SLIT1: variants seen among roughly 807,000 people sequenced by gnomAD.
SLIT1 encodes the protein slit homolog 1 protein.
Under a neutral mutation model 186.1 loss-of-function variants are expected in SLIT1, and 66 were observed. The observed-to-expected ratio is 0.35, with a 90% CI of 0.29 to 0.44. The LOEUF is 0.44. Among genes scored for constraint, SLIT1 ranks in the 20% least tolerant of loss-of-function variants. SLIT1 has a pLI of 1.00. For synonymous variants in SLIT1, 761 were observed against 833.8 expected (o/e 0.91, Z 1.50); for missense variants, 1,638 against 2,037.4 (o/e 0.80, Z 3.77).
chr10:97,060,685 C>A lies in SLIT1; in HGVS notation c.896G>T (p.Gly299Val). 1 of 1,613,618 alleles carries A rather than the reference C, an allele frequency of 6.2e-7. No homozygotes were observed. The highest frequency in any genetic ancestry group is 8.5e-7 in the Non-Finnish European group (1 of 1,180,042). Reference sequence around the variant, plus strand: ...CAGGTTGGCCGGGATGGCAGTGAGGCCTTTTCCACGACAGTCCACGATGCC... The same window carrying A: ...CAGGTTGGCCGGGATGGCAGTGAGGACTTTTCCACGACAGTCCACGATGCC... ...SNGIVDCRGK[G>V]LTAIPANLPE... The change falls in exon 9 of 37, where the codon GGC (glycine) becomes GTC (valine). Residue 299 changes from glycine to valine, a missense_variant. This residue lies in a region of SLIT1 where 1,245 missense variants were observed against 1,535.3 expected (regional missense o/e 0.81). Coordinates refer to ENST00000266058, the MANE Select transcript of SLIT1 (RefSeq NM_003061.3).
chr10:97,078,894 A>C (rs553777895), intron 4 of SLIT1, among the ~76,000 whole-genome samples: 6 of 152,342 alleles, frequency 3.9e-5, no homozygotes, highest in African/African-American at 1.4e-4. Flanking sequence ...TATGAGAGGC[A>C]AGGCTCCTGT....
In SLIT1 at chr10:96,999,891, C is replaced by T. The variant is rs1265375751; in HGVS notation, c.*1221G>A. Reference sequence around the variant, plus strand: ...CCAGAACGTCCACAATCCCCAGCCCCGGGTTAGGCACATAAATACTTTTGA... The same window carrying T: ...CCAGAACGTCCACAATCCCCAGCCCTGGGTTAGGCACATAAATACTTTTGA... On this transcript the variant is annotated 3_prime_UTR_variant, in exon 37 of 37. Coordinates refer to ENST00000266058, the MANE Select transcript of SLIT1 (RefSeq NM_003061.3). 5.9e-5 allele frequency: 9 copies of T among 152,218 alleles called. No homozygotes were observed. The highest frequency in any genetic ancestry group is 4.1e-4 in the South Asian group (2 of 4,826). The allele number at this position is 152,218 out of a possible 1,614,324, so 9.4% of individuals were successfully genotyped here. A position where few individuals can be genotyped will look rare whatever the true frequency, so the allele number is the denominator to read the frequency against.
At chr10:97,064,065 G>T in intron 7 of SLIT1, 103 bp downstream of exon 7, 1 of 944,694 alleles carries the variant, frequency 1.1e-6, no homozygotes, top group Non-Finnish European at 1.7e-6. Context: ...GAGGGAGAAT[G>T]AGCTCCATGA....
At chr10:97,096,203 A>G (rs935033571) in intron 4 of SLIT1, among the ~76,000 whole-genome samples, 1 of 152,168 alleles carries the variant, frequency 6.6e-6, no homozygotes, top group Non-Finnish European at 1.5e-5. Context: ...GACCCAGACC[A>G]CTGCCTTCTG....
intron 4 of SLIT1, among the ~76,000 whole-genome samples, chr10:97,156,575 T>A (rs1849954901): frequency 6.6e-6 from 1 of 152,154 alleles, no homozygotes; most frequent in Non-Finnish European, 1.5e-5. Flanking sequence ...ACATCTCGTC[T>A]CAAAAATAAG....
chr10:97,091,235 C>T (rs1434335115), intron 4 of SLIT1, among the ~76,000 whole-genome samples: 1 of 152,228 alleles, frequency 6.6e-6, no homozygotes. Flanking sequence ...TGTGCTCAGA[C>T]ACGCTCCATG....
intron 4 of SLIT1, among the ~76,000 whole-genome samples, chr10:97,076,048 G>A (rs1361568733): frequency 6.6e-6 from 1 of 152,108 alleles, no homozygotes; most frequent in Non-Finnish European, 1.5e-5. Context: ...GCCTTCCTGA[G>A]GAACAGAAAA....
At chr10:97,011,164 C>G in intron 30 of SLIT1, 34 bp from the exon 31 acceptor site, 1 of 1,558,852 alleles carries the variant, frequency 6.4e-7, no homozygotes, top group Non-Finnish European at 8.8e-7. Flanking sequence ...GTTGGGGGGT[C>G]AGCCACACAG....
chr10:97,049,850 T>C (rs567545576), intron 13 of SLIT1, among the ~76,000 whole-genome samples: 81 of 152,356 alleles, frequency 5.3e-4, no homozygotes, highest in Non-Finnish European at 9.4e-4. Context: ...GTCAGCAGGA[T>C]AAATACGGGG....
chr10:97,067,668 T>A (rs1848960858), intron 4 of SLIT1, among the ~76,000 whole-genome samples: 1 of 152,074 alleles, frequency 6.6e-6, no homozygotes, highest in Non-Finnish European at 1.5e-5. Flanking sequence ...GGAGCTGAGC[T>A]CTGAGATGTG....
At chr10:97,077,164 G>C (rs1414021228) in intron 4 of SLIT1, among the ~76,000 whole-genome samples, 2 of 152,262 alleles carry the variant, frequency 1.3e-5, no homozygotes, top group Non-Finnish European at 2.9e-5. Context: ...GCTACTCGGA[G>C]GCTAAGGCAG....
At chr10:97,055,204 G>A (rs1467129425) in intron 13 of SLIT1, among the ~76,000 whole-genome samples, 4 of 152,010 alleles carry the variant, frequency 2.6e-5, no homozygotes, top group Middle Eastern at 3.2e-3. Context: ...GTGACAGAGC[G>A]ACACTCCAGC....
chr10:97,020,528 C>G (rs1330217536), intron 26 of SLIT1, among the ~76,000 whole-genome samples: 2 of 152,272 alleles, frequency 1.3e-5, no homozygotes, highest in East Asian at 1.9e-4. Context: ...GCCGTTACGG[C>G]TGTGACAGCA....
At chr10:97,018,800 ATTCATTCATTCGTCCAC>A (rs1848477188) in intron 27 of SLIT1, 117 bp from the exon 28 acceptor site, 1 of 679,284 alleles carries the variant, frequency 1.5e-6, no homozygotes. Context: ...ACTTGTTTTC[ATTCATTCATTCGTCCAC>A]TTCATTCATT....
intron 1 of SLIT1, among the ~76,000 whole-genome samples, chr10:97,167,614 G>A (rs1296197369): frequency 6.6e-6 from 1 of 152,204 alleles, no homozygotes; most frequent in East Asian, 1.9e-4. Flanking sequence ...AACACAGAAC[G>A]TAGGAAAAGG....
At chr10:97,024,969 T>TA (rs924980777) in intron 25 of SLIT1, among the ~76,000 whole-genome samples, 1 of 151,918 alleles carries the variant, frequency 6.6e-6, no homozygotes, top group South Asian at 2.1e-4. Flanking sequence ...CTCTCCATCA[T>TA]AAAAAAAATA....
intron 4 of SLIT1, among the ~76,000 whole-genome samples, chr10:97,084,580 T>G (rs985789721): frequency 2.2e-5 from 3 of 134,640 alleles, no homozygotes; most frequent in African/African-American, 8.0e-5. Context: ...TTTCCTTTTC[T>G]TTTATTTTCT....
intron 4 of SLIT1, among the ~76,000 whole-genome samples, chr10:97,087,180 C>T (rs1222688469): frequency 6.6e-6 from 1 of 152,062 alleles, no homozygotes; most frequent in Non-Finnish European, 1.5e-5. Context: ...CGCCACCACC[C>T]CCCAGCCCAG....
intron 4 of SLIT1, among the ~76,000 whole-genome samples, chr10:97,143,769 C>T (rs1165261953): frequency 6.6e-6 from 1 of 152,198 alleles, no homozygotes; most frequent in African/African-American, 2.4e-5. Flanking sequence ...ATTAATGCTT[C>T]ATTTACGTAC....
Sources: allele counts gnomAD v4.1 joint callset (sites outside exome capture counted in the v4.1 genomes callset), GRCh38; gene constraint gnomAD v4.1.1; regional missense constraint gnomAD v4.1.1; transcripts MANE v1.5; gene names NCBI Gene and HGNC (gene_info 2026-07-23, HGNC 2026-07-21).